Variants in CHRNA5 observed in about 807,000 individuals in gnomAD.
The protein encoded by CHRNA5 is cholinergic receptor nicotinic alpha 5 subunit, also known as neuronal acetylcholine receptor subunit alpha-5.
CHRNA5 carries 28 observed loss-of-function variants against 41.2 expected under a neutral mutation model. That is an observed-to-expected ratio of 0.68 (90% confidence interval 0.50 to 0.93). CHRNA5 has a LOEUF of 0.93. Among genes scored for constraint, CHRNA5 ranks in the 40% least tolerant of loss-of-function variants. CHRNA5 has a pLI of 0.00. For missense variants in CHRNA5, 481 were observed against 581.9 expected, an observed-to-expected ratio of 0.83 and a Z score of 1.78; for synonymous variants, 188 against 205.8, an observed-to-expected ratio of 0.91 and a Z score of 0.74.
intron 5 of CHRNA5, chr15:78,591,420 A>G (rs2053013588): frequency 6.6e-6 from 1 of 151,760 alleles, no homozygotes; most frequent in Non-Finnish European, 1.5e-5. Context: ...CCTAATGTGG[A>G]ATTTATAAGT....
At position 78,590,589 on chromosome 15, in the gene CHRNA5, A is replaced by G. The variant is rs201775979; in HGVS notation, c.1198A>G (p.Ile400Val). 2.4e-5 allele frequency: 39 copies of G among 1,614,150 alleles called. No homozygotes were observed. The highest frequency in any genetic ancestry group is 3.3e-5 in the Admixed American group (2 of 60,016). ...CACATTGGAAGCTGCGCTCGATTCT[A>G]TTCGCTACATTACAAGACACATCAT... The change falls in exon 5 of 6, where the codon ATT becomes GTT. Residue 400 changes from isoleucine to valine, a missense_variant. Physicochemically the swap from Ile to Val is conservative, Grantham distance 29 (BLOSUM62 3). Coordinates refer to ENST00000299565, the Ensembl canonical transcript of CHRNA5.
At chr15:78,571,949 T>A (rs1002214048) in intron 1 of CHRNA5, among the ~76,000 whole-genome samples, 1 of 152,144 alleles carries the variant, frequency 6.6e-6, no homozygotes, top group African/African-American at 2.4e-5. Context: ...TGCTGTTGCT[T>A]AAAATAGCCC....
chr15:78,565,939 GT>G (rs201277469), intron 1 of CHRNA5, 114 bp downstream of exon 1: 38 of 456,886 alleles, frequency 8.3e-5, no homozygotes, highest in Non-Finnish European at 1.2e-4. Flanking sequence ...GGGGAGGTGG[GT>G]TTTTTTCTCC....
In CHRNA5 at chr15:78,582,630, TAATG is replaced by T. The variant is rs544818323; in HGVS notation, c.258+1674_258+1677del. On this transcript the variant is annotated intron_variant, in intron 2 of 5. Coordinates refer to ENST00000299565, the Ensembl canonical transcript of CHRNA5. The stretch of plus-strand genomic sequence containing the variant: ...CAGAAAGAGCTGGGAATGCAGATCT[TAATG>T]AATGACCTTATCAAAGAAGGTAGGG... Among the ~76,000 whole-genome samples, 137 of 152,338 alleles carry T rather than the reference TAATG, an allele frequency of 9.0e-4. 1 individual carries two copies. Among genetic ancestry groups the T allele is most frequent in the African/African-American group, 3.2e-3 (131 of 41,574 alleles).
chr15:78,593,006 G>A, intron 5 of CHRNA5, 86 bp from the exon 6 acceptor site: 2 of 1,501,614 alleles, frequency 1.3e-6, no homozygotes, highest in Admixed American at 2.1e-5. Context: ...AAATCGATTT[G>A]GCTTCTAACT....
intron 1 of CHRNA5, among the ~76,000 whole-genome samples, chr15:78,569,500 C>A (rs1051308178): frequency 6.9e-6 from 1 of 144,434 alleles, no homozygotes; most frequent in Admixed American, 7.1e-5. Context: ...GTGGTGCAAT[C>A]TCGGCTCACT....
At chr15:78,575,297 A>G (rs1420882702) in intron 1 of CHRNA5, among the ~76,000 whole-genome samples, 3 of 152,318 alleles carry the variant, frequency 2.0e-5, no homozygotes, top group South Asian at 2.1e-4. Context: ...CTGTATACAC[A>G]TTTATACCTT....
exon 5 of CHRNA5, chr15:78,590,554 C>T: frequency 6.2e-7 from 1 of 1,614,202 alleles, no homozygotes; most frequent in East Asian, 2.2e-5. Context: ...GGACCAAAAT[C>T]TTCTAGAAAC....
rs2052861150 is a variant in CHRNA5 at position 78,576,779 on chromosome 15, A to G, written c.107-4032A>G. 2.7e-5 allele frequency among the ~76,000 whole-genome samples: 4 copies of G among 149,028 alleles called. No homozygotes were observed. In the South Asian group the frequency reaches 8.6e-4, roughly 32 times the overall value. The stretch of plus-strand genomic sequence containing the variant: ...GCGCCATTGCACTCCAGTCTGGGTG[A>G]CAGGGCGAGACCCAGTCTCAAAAAA... On this transcript the variant is annotated intron_variant, in intron 1 of 5. Transcript: ENST00000299565.
intron 2 of CHRNA5, among the ~76,000 whole-genome samples, chr15:78,581,716 G>A (rs1686425927): frequency 6.6e-6 from 1 of 152,112 alleles, no homozygotes; most frequent in South Asian, 2.1e-4. Context: ...AAAAGTGACT[G>A]TAATTCTACT....
chr15:78,567,391 C>T (rs2052760326), intron 1 of CHRNA5, among the ~76,000 whole-genome samples: 1 of 152,130 alleles, frequency 6.6e-6, no homozygotes, highest in Non-Finnish European at 1.5e-5. Flanking sequence ...TTCTCTACCC[C>T]TTTTGATGAA....
intron 1 of CHRNA5, among the ~76,000 whole-genome samples, chr15:78,578,621 G>A (rs1037047788): frequency 6.6e-6 from 1 of 152,146 alleles, no homozygotes; most frequent in African/African-American, 2.4e-5. Flanking sequence ...CAGGAAATAG[G>A]TTTCCTCCAG....
At chr15:78,593,695 TTA>T (rs1262597778) in exon 6 of CHRNA5, 2 of 152,446 alleles carry the variant, frequency 1.3e-5, no homozygotes, top group Admixed American at 6.6e-5. Flanking sequence ...ACTGCTATAT[TTA>T]AAAAGCTGAC....
intron 2 of CHRNA5, among the ~76,000 whole-genome samples, chr15:78,581,704 TAA>T (rs2052914228): frequency 6.6e-6 from 1 of 152,124 alleles, no homozygotes; most frequent in Admixed American, 6.5e-5. Context: ...AATGAGAAAA[TAA>T]AAAGTGACTG....
At chr15:78,571,150 G>A (rs1324785802) in intron 1 of CHRNA5, among the ~76,000 whole-genome samples, 1 of 152,194 alleles carries the variant, frequency 6.6e-6, no homozygotes, top group Non-Finnish European at 1.5e-5. Flanking sequence ...GTTGGTCAGT[G>A]TATCACAATT....
rs546101673 is a variant in CHRNA5 at position 78,578,296 on chromosome 15, T to G, written c.107-2515T>G. On this transcript the variant is annotated intron_variant, in intron 1 of 5. Coordinates refer to ENST00000299565, the Ensembl canonical transcript of CHRNA5. ...GCCGAGGCGGGTGGATCACCTAAGG[T>G]CAGGAGTTCAAGACCAGCCTGACCA... 3.3e-5 allele frequency among the ~76,000 whole-genome samples: 5 copies of G among 152,166 alleles called. No individual in the cohort carries two copies. The East Asian group carries it at 7.7e-4, about 24-fold the overall frequency.
At chr15:78,575,838 A>G (rs969586135) in intron 1 of CHRNA5, among the ~76,000 whole-genome samples, 4 of 152,156 alleles carry the variant, frequency 2.6e-5, no homozygotes, top group Admixed American at 2.0e-4. Context: ...AGCCAATCCT[A>G]TTAGGTGTGA....
At chr15:78,581,104 T>C in intron 2 of CHRNA5, 142 bp downstream of exon 2, 4 of 719,690 alleles carry the variant, frequency 5.6e-6, no homozygotes, top group East Asian at 2.6e-5. Flanking sequence ...CAGGGAAAAG[T>C]AGTGATTGTG....
intron 2 of CHRNA5, among the ~76,000 whole-genome samples, chr15:78,585,078 C>T (rs557544097): frequency 3.9e-5 from 6 of 152,154 alleles, no homozygotes; most frequent in Admixed American, 6.5e-5. Flanking sequence ...CCACCATGCC[C>T]GGCTACTTTT....
Sources: gnomAD v4.1 joint callset for allele counts (sites outside exome capture counted in the v4.1 genomes callset) on GRCh38, gnomAD v4.1.1 for gene constraint, MANE v1.5 for transcripts, NCBI Gene and HGNC (gene_info 2026-07-23, HGNC 2026-07-21) for gene names.